The following PALM2AKAP2 variants were observed in gnomAD, a reference collection of about 807,000 sequenced individuals.
The protein encoded by PALM2AKAP2 is PALM2-AKAP2 fusion protein.
Under a neutral mutation model 71.5 loss-of-function variants are expected in PALM2AKAP2, and 37 were observed. The ratio of observed to expected loss-of-function variants is 0.52; its 90% CI spans 0.40 to 0.68. PALM2AKAP2 has a LOEUF of 0.68. Among genes scored for constraint, PALM2AKAP2 ranks in the 30% least tolerant of loss-of-function variants. The pLI is 0.00. For missense variants in PALM2AKAP2, 1,224 were observed against 1,191.8 expected, an observed-to-expected ratio of 1.03 and a Z score of -0.40; for synonymous variants, 468 against 478.8, an observed-to-expected ratio of 0.98 and a Z score of 0.29.
intron 6 of PALM2AKAP2, among the ~76,000 whole-genome samples, chr9:110,001,328 A>C (rs1481260307): frequency 6.6e-6 from 1 of 152,246 alleles, no homozygotes; most frequent in East Asian, 1.9e-4. Context: ...AGTTGTAGAA[A>C]TGTGGCATTA....
rs1588084674 is a variant in PALM2AKAP2 at position 110,060,854 on chromosome 9, C to T, written c.156+11999C>T. 2.0e-5 allele frequency among the ~76,000 whole-genome samples: 3 copies of T among 152,138 alleles called. No individual in the cohort carries two copies. In the East Asian group the frequency reaches 5.8e-4, roughly 29 times the overall value. On this transcript the variant is annotated intron_variant, in intron 1 of 3. Transcript: ENST00000374525. ...TGACCTTGTGATCCACCCGCCTCAG[C>T]CTCCCAAAGTGCTGGGATTACAGCA...
intron 1 of PALM2AKAP2, among the ~76,000 whole-genome samples, chr9:109,677,397 G>A (rs1161035869): frequency 6.6e-6 from 1 of 152,180 alleles, no homozygotes; most frequent in Non-Finnish European, 1.5e-5. Context: ...GTTGGGCGCG[G>A]TGGCTCATGC....
chr9:110,006,139 G>A (rs1832776588), intron 6 of PALM2AKAP2, among the ~76,000 whole-genome samples: 2 of 151,988 alleles, frequency 1.3e-5, no homozygotes, highest in South Asian at 2.1e-4. Context: ...CTATAGACTG[G>A]AGCTGTTCCT....
chr9:110,024,812 T>G, intron 7 of PALM2AKAP2: 1 of 665,128 alleles, frequency 1.5e-6, no homozygotes, highest in Non-Finnish European at 2.6e-6. Context: ...TATGCCAGTG[T>G]CTTGGGTTTT....
Position 109,767,418 on chromosome 9 carries a change from C to G in PALM2AKAP2, c.6-13070C>G, listed in dbSNP as rs1471481774. 3.3e-5 allele frequency among the ~76,000 whole-genome samples: 5 copies of G among 152,372 alleles called. No homozygotes were observed. In the East Asian group the frequency reaches 9.6e-4, roughly 29 times the overall value. On this transcript the variant is annotated intron_variant, in intron 1 of 6. Coordinates refer to the PALM2AKAP2 transcript ENST00000374531. ...ATTAGGGCGTGGGCATCTTTGGAGGCTGTTGCCCCATCTACCCCTACCACA... is the reference window on the plus strand; with the variant it reads ...ATTAGGGCGTGGGCATCTTTGGAGGGTGTTGCCCCATCTACCCCTACCACA...
chr9:109,984,455 C>T (rs868300102), intron 6 of PALM2AKAP2, among the ~76,000 whole-genome samples: 42 of 150,948 alleles, frequency 2.8e-4, no homozygotes, highest in African/African-American at 9.3e-4. Context: ...GCTGGGAGTT[C>T]GAGACCAATT....
At chr9:109,701,990 A>G (rs1339344383) in intron 1 of PALM2AKAP2, among the ~76,000 whole-genome samples, 1 of 152,274 alleles carries the variant, frequency 6.6e-6, no homozygotes, top group Non-Finnish European at 1.5e-5. Context: ...ACACGAAAAA[A>G]TGCTCATCAT....
chr9:110,148,837 A>T (rs1056220002), intron 2 of PALM2AKAP2: 1 of 152,218 alleles, frequency 6.6e-6, no homozygotes, highest in Non-Finnish European at 1.5e-5. Flanking sequence ...GAGAGTAATA[A>T]TCACCCAAAT....
intron 6 of PALM2AKAP2, among the ~76,000 whole-genome samples, chr9:110,000,297 A>G (rs1290661217): frequency 6.6e-6 from 1 of 152,024 alleles, no homozygotes; most frequent in Non-Finnish European, 1.5e-5. Context: ...TTTGCTGAGA[A>G]TGATGGTTTC....
At chr9:110,024,331 GC>G (rs1201218199) in intron 7 of PALM2AKAP2, among the ~76,000 whole-genome samples, 1 of 151,682 alleles carries the variant, frequency 6.6e-6, no homozygotes, top group Non-Finnish European at 1.5e-5. Context: ...CTATAAATTT[GC>G]CTGTTCTGGA....
chr9:109,858,609 A>G (rs1269478134), intron 1 of PALM2AKAP2, among the ~76,000 whole-genome samples: 1 of 152,142 alleles, frequency 6.6e-6, no homozygotes. Context: ...ATAAGGCAAC[A>G]CACGGAGAGG....
chr9:109,833,738 A>T (rs1159202414), intron 1 of PALM2AKAP2, among the ~76,000 whole-genome samples: 3 of 152,238 alleles, frequency 2.0e-5, no homozygotes, highest in Non-Finnish European at 2.9e-5. Flanking sequence ...GGTGCTCCAC[A>T]GTCACTGTGA....
intron 1 of PALM2AKAP2, among the ~76,000 whole-genome samples, chr9:110,106,595 C>T (rs2118907777): frequency 6.6e-6 from 1 of 152,202 alleles, no homozygotes; most frequent in East Asian, 1.9e-4. Context: ...TTGATGCTTA[C>T]ATTGTCCCAG....
chr9:109,901,249 T>A (rs1830324720), intron 3 of PALM2AKAP2, among the ~76,000 whole-genome samples: 1 of 152,218 alleles, frequency 6.6e-6, no homozygotes, highest in African/African-American at 2.4e-5. Context: ...AGCAGGTTGT[T>A]ACAGATACTC....
chr9:110,089,651 G>T (rs1834659130), intron 1 of PALM2AKAP2, among the ~76,000 whole-genome samples: 1 of 152,198 alleles, frequency 6.6e-6, no homozygotes, highest in Non-Finnish European at 1.5e-5. Context: ...CCATTACCAG[G>T]AACGGCTGTG....
In PALM2AKAP2 at chr9:109,846,095, C is replaced by CT. The variant is rs200161206; in HGVS notation, c.46-21392dup. Among the ~76,000 whole-genome samples, 1,073 of 152,224 alleles carry CT rather than the reference C, an allele frequency of 7.0e-3. 10 individuals are homozygous for CT. Among genetic ancestry groups the CT allele is most frequent in the African/African-American group, 0.025 (1,045 of 41,536 alleles). On this transcript the variant is annotated intron_variant, in intron 1 of 9. Coordinates refer to the PALM2AKAP2 transcript ENST00000302798. ...TAGATTGGGTGAATCAGGGTGATGG[C>CT]TTTTCAGTTGACATTGGAAGAATGA... is the stretch of plus-strand genomic sequence containing the variant.
At chr9:109,958,670 A>G (rs1222321764) in intron 6 of PALM2AKAP2, among the ~76,000 whole-genome samples, 3 of 152,126 alleles carry the variant, frequency 2.0e-5, no homozygotes, top group Non-Finnish European at 4.4e-5. Flanking sequence ...GAAGAAAGGA[A>G]GGATGAAAGA....
chr9:109,706,965 A>G (rs1286291858), intron 1 of PALM2AKAP2, among the ~76,000 whole-genome samples: 1 of 152,172 alleles, frequency 6.6e-6, no homozygotes, highest in Non-Finnish European at 1.5e-5. Context: ...CTAAATTTAG[A>G]TTATGGTGGT....
At chr9:110,166,505 A>G (rs1282135960) in intron 3 of PALM2AKAP2, among the ~76,000 whole-genome samples, 1 of 152,258 alleles carries the variant, frequency 6.6e-6, no homozygotes, top group Non-Finnish European at 1.5e-5. Flanking sequence ...ACATTAGACT[A>G]TTAGAAAATT....
Sources: gnomAD v4.1 joint callset for allele counts (sites outside exome capture counted in the v4.1 genomes callset) on GRCh38, gnomAD v4.1.1 for gene constraint, MANE v1.5 for transcripts, NCBI Gene and HGNC (gene_info 2026-07-23, HGNC 2026-07-21) for gene names.